The following CABLES1 variants were observed in gnomAD, a reference collection of about 807,000 sequenced individuals.
CABLES1 encodes the protein CDK5 and ABL1 enzyme substrate 1.
Under a neutral mutation model 57.8 loss-of-function variants are expected in CABLES1, and 36 were observed. The ratio of observed to expected loss-of-function variants is 0.62; its 90% CI spans 0.48 to 0.82. The LOEUF is 0.82. Ranked by LOEUF, CABLES1 falls within the 40% of genes least tolerant of loss-of-function variation. The pLI is 0.00. For missense variants in CABLES1, 767 were observed against 836.6 expected, an observed-to-expected ratio of 0.92 and a Z score of 1.03; for synonymous variants, 374 against 363.0, an observed-to-expected ratio of 1.03 and a Z score of -0.35.
upstream of CABLES1, chr18:23,134,652 G>A (rs1568037732): frequency 6.6e-6 from 1 of 152,210 alleles, no homozygotes; most frequent in Non-Finnish European, 1.5e-5. Flanking sequence ...AATTTGCAAG[G>A]TGACCAGGGG....
chr18:23,231,354 C>T (rs1384108385), intron 4 of CABLES1, among the ~76,000 whole-genome samples: 4 of 152,212 alleles, frequency 2.6e-5, no homozygotes, highest in South Asian at 2.1e-4. Flanking sequence ...AGTTGCCACA[C>T]GTAACCATCG....
intron 1 of CABLES1, among the ~76,000 whole-genome samples, chr18:23,173,963 GAAAAAT>G (rs1300737026): frequency 6.6e-6 from 1 of 152,024 alleles, no homozygotes; most frequent in Non-Finnish European, 1.5e-5. Context: ...ATTCTGTCTC[GAAAAAT>G]AAAAATAAAA....
chr18:23,242,736 G>A (rs1317086281), intron 7 of CABLES1, among the ~76,000 whole-genome samples: 1 of 152,180 alleles, frequency 6.6e-6, no homozygotes, highest in African/African-American at 2.4e-5. Flanking sequence ...GCATAAGCAT[G>A]TAAACCTCAA....
At position 23,215,914 on chromosome 18, in the gene CABLES1, A is replaced by G. The variant is rs575907845; in HGVS notation, c.1088+1860A>G. ...GACTGCAGGCGCCTGCCACCATGCC[A>G]GGCTAAATTTTTTGTATTTTTAGTA... On this transcript the variant is annotated intron_variant, in intron 4 of 9. Coordinates refer to ENST00000256925, the MANE Select transcript of CABLES1 (RefSeq NM_001100619.3). Among the ~76,000 whole-genome samples, 8 of 151,920 alleles carry G rather than the reference A, an allele frequency of 5.3e-5. No homozygotes were observed. The South Asian group carries it at 1.5e-3, about 28-fold the overall frequency.
intron 1 of CABLES1, among the ~76,000 whole-genome samples, chr18:23,150,211 T>TTG (rs2046918901): frequency 7.0e-6 from 1 of 141,992 alleles, no homozygotes; most frequent in East Asian, 2.1e-4. Context: ...GTGTTTGTTT[T>TTG]TTTTTTTTTT....
At chr18:23,160,467 G>GGT (rs907326613) in intron 1 of CABLES1, among the ~76,000 whole-genome samples, 1 of 152,194 alleles carries the variant, frequency 6.6e-6, no homozygotes, top group African/African-American at 2.4e-5. Flanking sequence ...GTATACAGAG[G>GGT]GTAGACCCTG....
At chr18:23,219,641 G>A (rs559716310) in intron 4 of CABLES1, among the ~76,000 whole-genome samples, 1 of 152,298 alleles carries the variant, frequency 6.6e-6, no homozygotes, top group South Asian at 2.1e-4. Context: ...GGACAGGAGT[G>A]AGCTCTGACA....
chr18:23,223,717 C>T (rs552887050), intron 4 of CABLES1, among the ~76,000 whole-genome samples: 8 of 152,148 alleles, frequency 5.3e-5, no homozygotes, highest in South Asian at 4.2e-4. Flanking sequence ...GCATCCTCTC[C>T]GCCACCACCC....
At chr18:23,210,718 G>T (rs45605636) in intron 3 of CABLES1, among the ~76,000 whole-genome samples, 1,730 of 152,282 alleles carry the variant, frequency 0.011, 17 homozygotes, top group Non-Finnish European at 0.017. Context: ...CACGCCTGCA[G>T]TCCCTCCCAG....
At chr18:23,151,015 GTTT>G (rs56227106) in intron 1 of CABLES1, among the ~76,000 whole-genome samples, 2,318 of 94,824 alleles carry the variant, frequency 0.024, 44 homozygotes, top group African/African-American at 0.067. Flanking sequence ...CCTGGCCTAC[GTTT>G]TTTTTTTTTT....
chr18:23,214,003 C>A lies in CABLES1; in HGVS notation c.1037C>A (p.Ser346Tyr), dbSNP rs1189344773. The change falls in exon 4 of 10, where the codon TCC becomes TAC. Residue 346 changes from serine to tyrosine, a missense_variant. Coordinates refer to ENST00000256925, the MANE Select transcript of CABLES1 (RefSeq NM_001100619.3). Reference sequence around the variant, plus strand: ...ATAGTCCTTATCAGTGGCAGAAGATCCTTCTGTAGTATATTTTCAGTGCTG... The same window carrying A: ...ATAGTCCTTATCAGTGGCAGAAGATACTTCTGTAGTATATTTTCAGTGCTG... ...GRIVLISGRR[S>Y]FCSIFSVLPY... 3 of 1,610,360 alleles carry A rather than the reference C, an allele frequency of 1.9e-6. No homozygotes were observed. The South Asian group carries it at 3.3e-5, about 18-fold the overall frequency.
chr18:23,186,043 C>T (rs532768797), intron 1 of CABLES1, among the ~76,000 whole-genome samples: 4 of 152,278 alleles, frequency 2.6e-5, no homozygotes, highest in African/African-American at 9.6e-5. Flanking sequence ...TCTCAGTGCA[C>T]CCCACTGTGT....
At chr18:23,168,182 T>C (rs2047057047) in intron 1 of CABLES1, among the ~76,000 whole-genome samples, 1 of 152,122 alleles carries the variant, frequency 6.6e-6, no homozygotes, top group African/African-American at 2.4e-5. Flanking sequence ...GCAACCTTAG[T>C]CACAATAGCC....
At chr18:23,257,172 A>G in intron 9 of CABLES1, 55 bp from the exon 10 acceptor site, 6 of 1,593,242 alleles carry the variant, frequency 3.8e-6, no homozygotes, top group Non-Finnish European at 5.1e-6. Context: ...AATTGCAGAA[A>G]GACTAGGATT....
intron 4 of CABLES1, among the ~76,000 whole-genome samples, chr18:23,230,343 G>C (rs954999170): frequency 6.6e-6 from 1 of 152,230 alleles, no homozygotes; most frequent in African/African-American, 2.4e-5. Context: ...CTGCACTCCA[G>C]CCTGGGTGAC....
chr18:23,214,919 A>G (rs536901134), intron 4 of CABLES1, among the ~76,000 whole-genome samples: 15 of 152,240 alleles, frequency 9.9e-5, no homozygotes, highest in Non-Finnish European at 1.2e-4. Flanking sequence ...CTTCCTGCTC[A>G]CCATGACCTC....
intron 4 of CABLES1, among the ~76,000 whole-genome samples, chr18:23,218,320 C>T (rs2047458101): frequency 7.7e-6 from 1 of 129,600 alleles, no homozygotes; most frequent in South Asian, 2.9e-4. Flanking sequence ...CCTCACTTGC[C>T]CTGCCTCCCG....
chr18:23,238,476 A>G (rs1488169218), intron 7 of CABLES1, among the ~76,000 whole-genome samples: 2 of 152,038 alleles, frequency 1.3e-5, no homozygotes, highest in African/African-American at 4.8e-5. Flanking sequence ...TCCCTCACTC[A>G]TGCCCCAACT....
intron 7 of CABLES1, among the ~76,000 whole-genome samples, chr18:23,242,549 TC>T (rs1385174375): frequency 1.3e-5 from 2 of 152,098 alleles, no homozygotes; most frequent in Non-Finnish European, 2.9e-5. Context: ...TGTGTTTTTT[TC>T]CCCCTCTTTA....
Sources: allele counts gnomAD v4.1 joint callset (sites outside exome capture counted in the v4.1 genomes callset), GRCh38; gene constraint gnomAD v4.1.1; transcripts MANE v1.5; gene names NCBI Gene and HGNC (gene_info 2026-07-23, HGNC 2026-07-21).